PLIN4: variants seen among roughly 807,000 people sequenced by gnomAD.
PLIN4 encodes the protein perilipin 4.
PLIN4 carries 57 observed loss-of-function variants against 52.4 expected under a neutral mutation model. That is an observed-to-expected ratio of 1.09 (90% CI 0.88 to 1.36). PLIN4 has a LOEUF of 1.36. Among genes scored for constraint, PLIN4 ranks in the 40% most tolerant of loss-of-function variants. The pLI, the probability that PLIN4 is intolerant of heterozygous loss-of-function variation, is 0.00. For synonymous variants in PLIN4, 826 were observed against 785.4 expected (o/e 1.05, Z -0.86); for missense variants, 1,757 against 1,770.3 (o/e 0.99, Z 0.13).
Position 4,513,392 on chromosome 19 carries a change from C to T in PLIN4, c.568G>A (p.Gly190Ser), listed in dbSNP as rs745603849. The T allele has an allele frequency of 2.1e-5, 34 of 1,613,522 alleles. No homozygotes were observed. Among genetic ancestry groups the T allele is most frequent in the South Asian group, 1.5e-4 (14 of 91,092 alleles). The change falls in exon 5 of 8, where the codon GGT becomes AGT. Residue 190 changes from glycine to serine, a missense_variant. Coordinates refer to ENST00000301286, the MANE Select transcript of PLIN4 (RefSeq NM_001367868.2). ...VNVAKGTVQAGVDTTKTVLTG... is the reference protein window; with the variant it reads ...VNVAKGTVQASVDTTKTVLTG... ...AGCACAGTCTTGGTGGTGTCCACAC[C>T]GGCCTGTACGGTCCCTTTGGCCACA...
rs1411045973 is a variant in PLIN4, at chr19:4,504,599, G to A, written c.3976C>T (p.Pro1326Ser). 2 of 1,604,252 alleles carry A rather than the reference G, an allele frequency of 1.2e-6. No individual in the cohort carries two copies. Among genetic ancestry groups the A allele is most frequent in the South Asian group, 1.1e-5 (1 of 90,148 alleles). Residue 1326 changes from proline (P) to serine (S), a missense_variant, in exon 8 of 8, where the codon CCC becomes TCC. Coordinates refer to ENST00000301286, the MANE Select transcript of PLIN4 (RefSeq NM_001367868.2). ...VASAGSVEEL[P>S]AERLVQSREG... Reference sequence around the variant, plus strand: ...CGGCTCTGCACCAGCCGCTCTGCGGGCAGCTCCTCTACAGAGCCAGCTGAG... The same window carrying A: ...CGGCTCTGCACCAGCCGCTCTGCGGACAGCTCCTCTACAGAGCCAGCTGAG...
In PLIN4 at chr19:4,512,019, C is replaced by A. The variant is rs112937743; in HGVS notation, c.1941G>T (p.Gly647=). ...TCGTTTTCAGCCCAGTTTGCACAGC[C>A]CCCTTGGCCACGTTCACGGCACTGG... ...GVTSAVNVAK[G]AVQTGLKTTQ... Residue 647 remains glycine (G), a synonymous_variant, in exon 5 of 8, where the codon GGG becomes GGT. Coordinates refer to ENST00000301286, the MANE Select transcript of PLIN4 (RefSeq NM_001367868.2). The A allele has an allele frequency of 1.6e-4, 256 of 1,609,652 alleles. 8 individuals are homozygous for A. Among genetic ancestry groups the A allele is most frequent in the African/African-American group, 1.6e-3 (115 of 73,556 alleles).
rs766283437 is a variant in PLIN4 at position 4,513,146 on chromosome 19, A to G, written c.814T>C (p.Cys272Arg). Residue 272 changes from cysteine to arginine, a missense_variant, in exon 5 of 8, where the codon TGT becomes CGT. By Grantham distance (180) the Cys-to-Arg change is radical. Transcript: ENST00000301286. Reference protein sequence around the residue: ...TVLTGTKDTVCSGVTGAMNVA... With the variant: ...TVLTGTKDTVRSGVTGAMNVA... ...TTCATGGCACCAGTCACCCCACTAC[A>G]GACGGTGTCCTTGGTACCTGTTAGG... 1.2e-6 allele frequency: 2 copies of G among 1,610,364 alleles called. No homozygotes were observed. Among genetic ancestry groups the G allele is most frequent in the Admixed American group, 3.3e-5 (2 of 59,776 alleles).
intron 3 of PLIN4, among the ~76,000 whole-genome samples, chr19:4,517,286 C>T (rs1329342424): frequency 2.0e-5 from 3 of 149,896 alleles, no homozygotes; most frequent in South Asian, 2.1e-4. Flanking sequence ...GCATCAGAAA[C>T]GGAGTGCAGG....
At position 4,512,737 on chromosome 19, in the gene PLIN4, G is replaced by A. The variant is rs760625060; in HGVS notation, c.1223C>T (p.Thr408Ile). The A allele has an allele frequency of 3.2e-6, 5 of 1,560,010 alleles. 1 individual carries two copies. The highest frequency in any genetic ancestry group is 1.1e-5 in the South Asian group (1 of 89,538). The change falls in exon 5 of 8, where the codon ACA (threonine) becomes ATA (isoleucine). Residue 408 changes from threonine to isoleucine, a missense_variant. This residue lies in a region of PLIN4 where 439 missense variants were observed against 406.4 expected (regional missense o/e 1.08). Transcript: ENST00000301286. ...GTKDTMSTGL[T>I]GAANVAKGAM... The stretch of plus-strand genomic sequence containing the variant: ...CCCCTTGGCCACATTCGCTGCCCCT[G>A]TGAGCCCAGTGGACATCGTGTCTTT...
chr19:4,514,402 C>T (rs973925844), intron 4 of PLIN4, among the ~76,000 whole-genome samples: 2 of 151,788 alleles, frequency 1.3e-5, no homozygotes, highest in Non-Finnish European at 2.9e-5. Context: ...GAGATATGAT[C>T]GTACCACTGT....
At position 4,512,057 on chromosome 19, in the gene PLIN4, A is replaced by T; in HGVS notation, c.1903T>A (p.Tyr635Asn). The T allele has an allele frequency of 6.2e-7, 1 of 1,611,720 alleles. No individual in the cohort carries two copies. Among genetic ancestry groups the T allele is most frequent in the Non-Finnish European group, 8.5e-7 (1 of 1,179,574 alleles). The change falls in exon 5 of 8, where the codon TAC becomes AAC. Residue 635 changes from tyrosine (Y) to asparagine (N), a missense_variant. Coordinates refer to ENST00000301286, the MANE Select transcript of PLIN4 (RefSeq NM_001367868.2). ...TVLTGTKDTI[Y>N]SGVTSAVNVA... is the part of the protein sequence containing the mutation. ...TTCACGGCACTGGTGACCCCACTGT[A>T]GATGGTGTCCTTGGTACCGGTTAGG...
intron 3 of PLIN4, 103 bp downstream of exon 3, chr19:4,517,451 A>G: frequency 7.2e-7 from 1 of 1,397,090 alleles, no homozygotes; most frequent in Non-Finnish European, 9.6e-7. Context: ...ACAGACAAAT[A>G]TGGAGGACTC....
chr19:4,507,043 G>A (rs2145251711), intron 6 of PLIN4, among the ~76,000 whole-genome samples: 1 of 152,342 alleles, frequency 6.6e-6, no homozygotes, highest in South Asian at 2.1e-4. Context: ...TCCACCAGGG[G>A]CTTCCCCCAG....
chr19:4,508,995 C>T (rs1599739390), intron 5 of PLIN4, 40 bp from the exon 6 acceptor site: 3 of 1,548,574 alleles, frequency 1.9e-6, no homozygotes, highest in Non-Finnish European at 2.6e-6. Flanking sequence ...GGAAGCCCCT[C>T]AGGGCATCAG....
In PLIN4 at chr19:4,512,275, A is replaced by C; in HGVS notation, c.1685T>G (p.Ile562Arg). ...AGTGGACATCGTGTCTTTTGTACCT[A>C]TGACCACAGACTTGGTGGTGTCCAG... ...GGLDTTKSVVIGTKDTMSTGL... is the reference protein window; with the variant it reads ...GGLDTTKSVVRGTKDTMSTGL... Residue 562 changes from isoleucine to arginine, a missense_variant, in exon 5 of 8, where the codon ATA (isoleucine) becomes AGA (arginine). Physicochemically the swap from Ile to Arg is moderately conservative, Grantham distance 97. This residue lies in a region of PLIN4 where 439 missense variants were observed against 406.4 expected (regional missense o/e 1.08). Coordinates refer to ENST00000301286, the MANE Select transcript of PLIN4 (RefSeq NM_001367868.2). 6.9e-6 allele frequency: 11 copies of C among 1,588,688 alleles called. No homozygotes were observed. The highest frequency in any genetic ancestry group is 9.4e-6 in the Non-Finnish European group (11 of 1,170,858).
At position 4,512,281 on chromosome 19, in the gene PLIN4, A is replaced by G; in HGVS notation, c.1679T>C (p.Val560Ala). Residue 560 changes from valine to alanine, a missense_variant, in exon 5 of 8, where the codon GTG becomes GCG. This residue lies in a region of PLIN4 where 439 missense variants were observed against 406.4 expected (regional missense o/e 1.08). Transcript: ENST00000301286. ...VQGGLDTTKS[V>A]VIGTKDTMST... ...CATCGTGTCTTTTGTACCTATGACCACAGACTTGGTGGTGTCCAGGCCCCC... is the reference window on the plus strand; with the variant it reads ...CATCGTGTCTTTTGTACCTATGACCGCAGACTTGGTGGTGTCCAGGCCCCC... 6.2e-7 allele frequency: 1 copy of G among 1,610,956 alleles called. No homozygotes were observed. Among genetic ancestry groups the G allele is most frequent in the Non-Finnish European group, 8.5e-7 (1 of 1,179,450 alleles).
intron 4 of PLIN4, 87 bp from the exon 5 acceptor site, chr19:4,513,788 C>A: frequency 1.4e-6 from 2 of 1,456,348 alleles, no homozygotes; most frequent in South Asian, 1.4e-5. Context: ...CCCTAGTGTG[C>A]TTTGGGGCAA....
chr19:4,514,175 G>A (rs1848604156), intron 4 of PLIN4, among the ~76,000 whole-genome samples: 1 of 152,196 alleles, frequency 6.6e-6, no homozygotes, highest in African/African-American at 2.4e-5. Flanking sequence ...ATCCAGGCTG[G>A]GTGTGATGGC....
Position 4,512,076 on chromosome 19 carries a change from G to A in PLIN4, c.1884C>T (p.Thr628=), listed in dbSNP as rs772106916. 4.2e-5 allele frequency: 67 copies of A among 1,603,150 alleles called. 2 individuals carry two copies. Among genetic ancestry groups the A allele is most frequent in the Admixed American group, 3.9e-4 (23 of 58,602 alleles). Reference sequence around the variant, plus strand: ...CACTGTAGATGGTGTCCTTGGTACCGGTTAGGACAGTTTTGGTGGTGTCCA... The same window carrying A: ...CACTGTAGATGGTGTCCTTGGTACCAGTTAGGACAGTTTTGGTGGTGTCCA... ...TGMDTTKTVL[T]GTKDTIYSGV... The change falls in exon 5 of 8, where the codon ACC becomes ACT. Residue 628 remains threonine (T), a synonymous_variant. Transcript: ENST00000301286.
rs899403540 is a variant in PLIN4, at chr19:4,518,463, G to A, written c.-96C>T. 1 of 1,221,376 alleles carries A rather than the reference G, an allele frequency of 8.2e-7. No homozygotes were observed. The highest frequency in any genetic ancestry group is 3.2e-5 in the East Asian group (1 of 31,106). The allele number at this position is 1,221,376 out of a possible 1,614,324, so 75.7% of individuals were successfully genotyped here. A position where few individuals can be genotyped will look rare whatever the true frequency, so the allele number is the denominator to read the frequency against. ...CTGGACTGCGCGGGGTCCCCTGGAG[G>A]ACGGACCGGCCCGGCTGGCAGCTGG... On this transcript the variant is annotated 5_prime_UTR_variant, in exon 1 of 8. Transcript: ENST00000301286.
chr19:4,508,514 G>T (rs752789036), intron 6 of PLIN4, among the ~76,000 whole-genome samples: 1 of 152,176 alleles, frequency 6.6e-6, no homozygotes, highest in Non-Finnish European at 1.5e-5. Flanking sequence ...TGACCCACCC[G>T]CCTCGGCCTC....
Position 4,518,224 on chromosome 19 carries a change from T to C in PLIN4, c.49A>G (p.Lys17Glu). Residue 17 changes from lysine (K) to glutamate (E), a missense_variant and splice_region_variant, in exon 2 of 8, where the codon AAG becomes GAG. By Grantham distance (56) the Lys-to-Glu change is moderately conservative. This residue lies in a region of PLIN4 where 332 missense variants were observed against 310.8 expected (regional missense o/e 1.07). Transcript: ENST00000301286. ...GRRDPPKPKGKTLGSFFGSLP... is the reference protein window; with the variant it reads ...GRRDPPKPKGETLGSFFGSLP... ...TCTGCCCCATTTCCCCTCTTTACCT[T>C]GCCCTTCGGTTTGGGGGGATCCCGT... 1 of 1,233,136 alleles carries C rather than the reference T, an allele frequency of 8.1e-7. No individual in the cohort carries two copies. The highest frequency in any genetic ancestry group is 1.0e-6 in the Non-Finnish European group (1 of 988,798). 76.4% of individuals were successfully genotyped at this position (1,233,136 alleles called of 1,614,324 possible).
In PLIN4 at chr19:4,504,517, T is replaced by G; in HGVS notation, c.4058A>C (p.His1353Pro). 1 of 1,604,204 alleles carries G rather than the reference T, an allele frequency of 6.2e-7. No homozygotes were observed. The highest frequency in any genetic ancestry group is 1.3e-5 in the African/African-American group (1 of 74,872). ...GLEQLLEGLQ[H>P]NPPLSWLVGP... ...TACCAGCCAGCTGAGCGGGGGATTGTGCTGTAGGCCCTCCAGCAGCTGCTC... is the reference window on the plus strand; with the variant it reads ...TACCAGCCAGCTGAGCGGGGGATTGGGCTGTAGGCCCTCCAGCAGCTGCTC... Residue 1353 changes from histidine (H) to proline (P), a missense_variant, in exon 8 of 8, where the codon CAC (histidine) becomes CCC (proline). By Grantham distance (77) the His-to-Pro change is moderately conservative. Coordinates refer to ENST00000301286, the MANE Select transcript of PLIN4 (RefSeq NM_001367868.2).
Sources: gnomAD v4.1 joint callset for allele counts (sites outside exome capture counted in the v4.1 genomes callset) on GRCh38, gnomAD v4.1.1 for gene constraint, gnomAD v4.1.1 regional missense constraint, MANE v1.5 for transcripts, NCBI Gene and HGNC (gene_info 2026-07-23, HGNC 2026-07-21) for gene names.